HS6ST3: variants seen among roughly 807,000 people sequenced by gnomAD.
The protein encoded by HS6ST3 is heparan sulfate 6-O-sulfotransferase 3, also known as heparan-sulfate 6-O-sulfotransferase 3.
HS6ST3 carries 12 observed loss-of-function variants against 36.7 expected under a neutral mutation model. That is an observed-to-expected ratio of 0.33 (90% CI 0.21 to 0.53). HS6ST3 has a LOEUF of 0.53. Ranked by LOEUF, HS6ST3 falls within the 20% of genes least tolerant of loss-of-function variation. HS6ST3 has a pLI of 0.95. For synonymous variants in HS6ST3, 240 were observed against 257.5 expected (o/e 0.93, Z 0.65); for missense variants, 584 against 640.9 (o/e 0.91, Z 0.96).
At chr13:96,515,390 A>G (rs2056068252) in intron 1 of HS6ST3, among the ~76,000 whole-genome samples, 2 of 152,234 alleles carry the variant, frequency 1.3e-5, no homozygotes, top group Non-Finnish European at 2.9e-5. Flanking sequence ...AATAGTAGGC[A>G]TGAGGGGATG....
At chr13:96,756,038 T>C (rs1876821412) in intron 1 of HS6ST3, among the ~76,000 whole-genome samples, 1 of 152,210 alleles carries the variant, frequency 6.6e-6, no homozygotes, top group Non-Finnish European at 1.5e-5. Flanking sequence ...AAATGTTAAC[T>C]CACTTTAGTT....
chr13:96,787,843 G>A (rs1377266171), intron 1 of HS6ST3, among the ~76,000 whole-genome samples: 3 of 151,904 alleles, frequency 2.0e-5, no homozygotes, highest in African/African-American at 4.8e-5. Flanking sequence ...TCAAAGTCAG[G>A]AAGGTTTTCA....
rs571344208 is a variant in HS6ST3, at chr13:96,834,151, G to A, written c.*953G>A. On this transcript the variant is annotated 3_prime_UTR_variant, in exon 2 of 2. Transcript: ENST00000376705. ...TTGGAGAAGTTATGTTCTTTAATCG[G>A]GTACTACCAGTCTTGAAATTTTGCC... is the stretch of plus-strand genomic sequence containing the variant. 6.6e-6 allele frequency: 1 copy of A among 152,206 alleles called. No individual in the cohort carries two copies. Among genetic ancestry groups the A allele is most frequent in the East Asian group, 1.9e-4 (1 of 5,180 alleles). The allele number at this position is 152,206 out of a possible 1,614,324, so 9.4% of individuals were successfully genotyped here.
intron 1 of HS6ST3, among the ~76,000 whole-genome samples, chr13:96,141,015 A>G (rs2054029498): frequency 6.6e-6 from 1 of 152,194 alleles, no homozygotes; most frequent in Non-Finnish European, 1.5e-5. Context: ...TCAAGGAGAA[A>G]GGATATCTAC....
intron 1 of HS6ST3, among the ~76,000 whole-genome samples, chr13:96,490,002 C>T (rs1305370216): frequency 1.3e-5 from 2 of 152,098 alleles, no homozygotes; most frequent in East Asian, 1.9e-4. Flanking sequence ...CCCTTCTACT[C>T]ATACTTAGCT....
chr13:96,703,251 T>G (rs931354750), intron 1 of HS6ST3, among the ~76,000 whole-genome samples: 1 of 152,216 alleles, frequency 6.6e-6, no homozygotes, highest in Admixed American at 6.5e-5. Flanking sequence ...AATGATCTAT[T>G]GACGTCGGCA....
At chr13:96,530,267 T>G (rs1410578520) in intron 1 of HS6ST3, among the ~76,000 whole-genome samples, 12 of 152,184 alleles carry the variant, frequency 7.9e-5, no homozygotes, top group Admixed American at 7.9e-4. Context: ...AAGTACCTCT[T>G]AAGATTCCTA....
intron 1 of HS6ST3, among the ~76,000 whole-genome samples, chr13:96,327,661 G>A (rs907150964): frequency 1.1e-4 from 17 of 151,288 alleles, no homozygotes; most frequent in South Asian, 8.4e-4. Flanking sequence ...TTGGCGATGC[G>A]GGCTCTTTTT....
At chr13:96,513,194 G>T (rs1288560611) in intron 1 of HS6ST3, among the ~76,000 whole-genome samples, 1 of 151,366 alleles carries the variant, frequency 6.6e-6, no homozygotes, top group Non-Finnish European at 1.5e-5. Flanking sequence ...CTGGATGTCT[G>T]TGTTATCTCT....
At chr13:96,376,609 A>G (rs2055316234) in intron 1 of HS6ST3, among the ~76,000 whole-genome samples, 1 of 152,152 alleles carries the variant, frequency 6.6e-6, no homozygotes, top group Admixed American at 6.5e-5. Flanking sequence ...ACCGTTATCT[A>G]TGGCATCTAT....
At chr13:96,208,802 A>G (rs1449776777) in intron 1 of HS6ST3, among the ~76,000 whole-genome samples, 2 of 152,200 alleles carry the variant, frequency 1.3e-5, no homozygotes, top group Non-Finnish European at 2.9e-5. Flanking sequence ...ACGAGGTGAA[A>G]GAGAATTTTT....
chr13:96,673,921 C>T (rs1286107044), intron 1 of HS6ST3, among the ~76,000 whole-genome samples: 2 of 151,678 alleles, frequency 1.3e-5, no homozygotes, highest in Non-Finnish European at 2.9e-5. Flanking sequence ...ATTTTTTCCC[C>T]TCTTTCTTTC....
chr13:96,202,998 CACTCACTCCCTCACTCATTT>C (rs1448351152), intron 1 of HS6ST3, among the ~76,000 whole-genome samples: 16 of 152,276 alleles, frequency 1.1e-4, no homozygotes, highest in African/African-American at 3.1e-4. Flanking sequence ...TCAACTCATT[CACTCACTCCCTCACTCATTT>C]ACTCACTCCC....
chr13:96,372,397 T>C (rs1296319321), intron 1 of HS6ST3, among the ~76,000 whole-genome samples: 1 of 152,194 alleles, frequency 6.6e-6, no homozygotes, highest in East Asian at 1.9e-4. Flanking sequence ...ATCAGATATA[T>C]GGTTTGGAAG....
At chr13:96,362,290 TA>T (rs34993285) in intron 1 of HS6ST3, among the ~76,000 whole-genome samples, 1 of 152,128 alleles carries the variant, frequency 6.6e-6, no homozygotes, top group South Asian at 2.1e-4. Flanking sequence ...TTTTTAAAAT[TA>T]AAAAAACTGT....
In HS6ST3 at chr13:96,595,165, C is replaced by G. The variant is rs1020886812; in HGVS notation, c.708-237325C>G. Among the ~76,000 whole-genome samples the G allele has an allele frequency of 2.0e-5, 3 of 152,162 alleles. No homozygotes were observed. In the East Asian group the frequency reaches 5.8e-4, roughly 29 times the overall value. ...CGCTCAAGTGATCCACCAGCCGCAG[C>G]CTCCTGAGTGGCTGAAACTACAGGC... is the stretch of plus-strand genomic sequence containing the variant. On this transcript the variant is annotated intron_variant, in intron 1 of 1. Transcript: ENST00000376705.
intron 1 of HS6ST3, among the ~76,000 whole-genome samples, chr13:96,524,089 T>A (rs558897548): frequency 6.6e-6 from 1 of 152,340 alleles, no homozygotes; most frequent in African/African-American, 2.4e-5. Context: ...CCTTTCTGTT[T>A]GTTAGTTTTC....
intron 1 of HS6ST3, among the ~76,000 whole-genome samples, chr13:96,610,218 C>T (rs2056452917): frequency 6.6e-6 from 1 of 152,186 alleles, no homozygotes; most frequent in Non-Finnish European, 1.5e-5. Context: ...ATTAGCTACC[C>T]TTCTGGGTCA....
intron 1 of HS6ST3, among the ~76,000 whole-genome samples, chr13:96,618,897 A>G: frequency 6.6e-6 from 1 of 152,186 alleles, no homozygotes; most frequent in East Asian, 1.9e-4. Flanking sequence ...AAGGGGGTTA[A>G]TCTCTCACAA....
Sources: gnomAD v4.1 joint callset for allele counts (sites outside exome capture counted in the v4.1 genomes callset) on GRCh38, gnomAD v4.1.1 for gene constraint, MANE v1.5 for transcripts, NCBI Gene and HGNC (gene_info 2026-07-23, HGNC 2026-07-21) for gene names.